The following CCDC190 variants were observed in gnomAD, a reference collection of about 807,000 sequenced individuals.
CCDC190 encodes the protein coiled-coil domain-containing protein 190.
CCDC190 carries 10 observed loss-of-function variants against 13.1 expected under a neutral mutation model. That is an observed-to-expected ratio of 0.77 (90% CI 0.47 to 1.30). The LOEUF (loss-of-function observed/expected upper bound fraction) is 1.30, where lower values mean the gene tolerates loss of function less well. Among genes scored for constraint, CCDC190 ranks in the 50% most tolerant of loss-of-function variants. The pLI is 0.00. For missense variants in CCDC190, 375 were observed against 354.3 expected (o/e 1.06, Z -0.47); for synonymous variants, 136 against 127.2 (o/e 1.07, Z -0.47).
upstream of CCDC190, among the ~76,000 whole-genome samples, chr1:162,862,072 AT>A (rs1318916409): frequency 6.6e-6 from 1 of 152,126 alleles, no homozygotes; most frequent in Non-Finnish European, 1.5e-5. Flanking sequence ...ATTTAAATGA[AT>A]GAGGTGGGAT....
rs1018176834 is a variant in CCDC190, at chr1:162,851,249, G to A, written c.*3516C>T. On this transcript the variant is annotated 3_prime_UTR_variant, in exon 4 of 4. Transcript: ENST00000367912. ...GGTGTGGTTGGAGGTGAGGGAATGA[G>A]TTGGTTCACGCAATGGTCCACACAC... The A allele has an allele frequency of 1.4e-4, 20 of 147,652 alleles. No individual in the cohort carries two copies. The highest frequency in any genetic ancestry group is 1.3e-3 in the Admixed American group (19 of 14,892). The allele number at this position is 147,652 out of a possible 1,614,324, so 9.1% of individuals were successfully genotyped here. A position where few individuals can be genotyped will look rare whatever the true frequency, so the allele number is the denominator to read the frequency against.
chr1:162,867,443 G>A (rs1650747654), intron 1 of CCDC190, among the ~76,000 whole-genome samples: 1 of 152,138 alleles, frequency 6.6e-6, no homozygotes, highest in South Asian at 2.1e-4. Flanking sequence ...AGCAAGTATT[G>A]GTGAGAATAT....
intron 2 of CCDC190, among the ~76,000 whole-genome samples, chr1:162,858,751 A>G (rs1650397672): frequency 6.6e-6 from 1 of 152,218 alleles, no homozygotes; most frequent in African/African-American, 2.4e-5. Context: ...TATTTTAATG[A>G]TGAACAAAGG....
chr1:162,861,699 A>G (rs1174675384), upstream of CCDC190, among the ~76,000 whole-genome samples: 1 of 152,230 alleles, frequency 6.6e-6, no homozygotes, highest in African/African-American at 2.4e-5. Context: ...AGTAAAATTA[A>G]AATCAACTTT....
At chr1:162,856,147 C>T (rs149231415) in intron 2 of CCDC190, among the ~76,000 whole-genome samples, 259 of 152,048 alleles carry the variant, frequency 1.7e-3, no homozygotes, top group African/African-American at 5.7e-3. Context: ...TTAAGGCACC[C>T]GGTTTATAGT....
chr1:162,863,116 A>C (rs1397980787), upstream of CCDC190, among the ~76,000 whole-genome samples: 2 of 152,214 alleles, frequency 1.3e-5, no homozygotes, highest in African/African-American at 4.8e-5. Flanking sequence ...GAAATAGTTC[A>C]AACTGTTCAG....
At chr1:162,858,196 C>T (rs1001463845) in intron 2 of CCDC190, among the ~76,000 whole-genome samples, 3 of 152,172 alleles carry the variant, frequency 2.0e-5, no homozygotes, top group African/African-American at 7.2e-5. Flanking sequence ...GACATGGAGG[C>T]AGAAGCACCT....
upstream of CCDC190, among the ~76,000 whole-genome samples, chr1:162,864,118 T>TA (rs1348841308): frequency 5.3e-5 from 8 of 151,936 alleles, no homozygotes; most frequent in Admixed American, 1.3e-4. Context: ...GAGATAATCT[T>TA]AAAAACAGCC....
intron 2 of CCDC190, among the ~76,000 whole-genome samples, chr1:162,858,747 A>T (rs1217586963): frequency 1.3e-5 from 2 of 152,238 alleles, no homozygotes; most frequent in Non-Finnish European, 2.9e-5. Context: ...TAATTATTTT[A>T]ATGATGAACA....
At chr1:162,863,842 A>C (rs1247929693), upstream of CCDC190, among the ~76,000 whole-genome samples, 7 of 152,050 alleles carry the variant, frequency 4.6e-5, no homozygotes, top group East Asian at 1.3e-3. Flanking sequence ...AACATGGTGA[A>C]ACCCCTTCTC....
At position 162,855,179 on chromosome 1, in the gene CCDC190, T is replaced by G. The variant is rs780605929; in HGVS notation, c.492A>C (p.Pro164=). 6 of 1,613,998 alleles carry G rather than the reference T, an allele frequency of 3.7e-6. No individual in the cohort carries two copies. The highest frequency in any genetic ancestry group is 5.1e-6 in the Non-Finnish European group (6 of 1,179,878). ...CCTTGCTGGGGTCTACGTCCTTAGATGGATTCACAGAATCTTTCTCTTGGG... is the reference window on the plus strand; with the variant it reads ...CCTTGCTGGGGTCTACGTCCTTAGAGGGATTCACAGAATCTTTCTCTTGGG... ...PQAQEKDSVN[P]SKDVDPSKGI... The change falls in exon 4 of 4, where the codon CCA becomes CCC. Residue 164 remains proline (P), a synonymous_variant. Transcript: ENST00000367912.
At position 162,852,981 on chromosome 1, in the gene CCDC190, A is replaced by G; in HGVS notation, c.*1784T>C. 1.3e-6 allele frequency: 1 copy of G among 766,946 alleles called. No homozygotes were observed. The highest frequency in any genetic ancestry group is 1.6e-5 in the South Asian group (1 of 60,618). 47.5% of individuals were successfully genotyped at this position (766,946 alleles called of 1,614,324 possible). Reference sequence around the variant, plus strand: ...TTCTCTAATTGTTGTATGCCTATTCATGTTGGCCCAGGCATGGCTGGTGCA... The same window carrying G: ...TTCTCTAATTGTTGTATGCCTATTCGTGTTGGCCCAGGCATGGCTGGTGCA... On this transcript the variant is annotated 3_prime_UTR_variant, in exon 4 of 4. Coordinates refer to ENST00000367912, the MANE Select transcript of CCDC190 (RefSeq NM_001394065.1).
At chr1:162,858,894 T>C (rs1379729959) in intron 2 of CCDC190, among the ~76,000 whole-genome samples, 1 of 152,248 alleles carries the variant, frequency 6.6e-6, no homozygotes, top group East Asian at 1.9e-4. Flanking sequence ...TTTGGTACTA[T>C]TCCAAGTGCT....
At position 162,851,308 on chromosome 1, in the gene CCDC190, T is replaced by C. The variant is rs1313972772; in HGVS notation, c.*3457A>G. ...CCTCTCCATTTTTTTTTTTTTTTTT[T>C]TTTTTTTGCAGTGGTTGCTTGCTAT... On this transcript the variant is annotated 3_prime_UTR_variant, in exon 4 of 4. Transcript: ENST00000367912. 3.4e-5 allele frequency: 5 copies of C among 149,222 alleles called. No homozygotes were observed. Among genetic ancestry groups the C allele is most frequent in the African/African-American group, 1.2e-4 (5 of 40,034 alleles). The allele number at this position is 149,222 out of a possible 1,614,324, so 9.2% of individuals were successfully genotyped here.
At chr1:162,861,442 T>A (rs1181770481), upstream of CCDC190, among the ~76,000 whole-genome samples, 1 of 152,090 alleles carries the variant, frequency 6.6e-6, no homozygotes. Context: ...TCTCCATTTT[T>A]TTTTTTTCTC....
intron 1 of CCDC190, among the ~76,000 whole-genome samples, chr1:162,860,005 T>A (rs1321640303): frequency 6.6e-6 from 1 of 152,126 alleles, no homozygotes; most frequent in Non-Finnish European, 1.5e-5. Context: ...AGGCATTATT[T>A]ACCCAATAAG....
chr1:162,854,173 A>G lies in CCDC190; in HGVS notation c.*592T>C. 1 of 945,484 alleles carries G rather than the reference A, an allele frequency of 1.1e-6. No homozygotes were observed. The highest frequency in any genetic ancestry group is 1.3e-6 in the Non-Finnish European group (1 of 793,662). 58.6% of individuals were successfully genotyped at this position (945,484 alleles called of 1,614,324 possible). A position where few individuals can be genotyped will look rare whatever the true frequency, so the allele number is the denominator to read the frequency against. ...TATGAGAGGGAAAAGATTGTCCATTATTCTTTCAATAGGATTCAAAAAATT... is the reference window on the plus strand; with the variant it reads ...TATGAGAGGGAAAAGATTGTCCATTGTTCTTTCAATAGGATTCAAAAAATT... On this transcript the variant is annotated 3_prime_UTR_variant, in exon 4 of 4. Transcript: ENST00000367912.
At position 162,854,934 on chromosome 1, in the gene CCDC190, A is replaced by G. The variant is rs765279608; in HGVS notation, c.737T>C (p.Leu246Ser). 2 of 1,613,862 alleles carry G rather than the reference A, an allele frequency of 1.2e-6. No individual in the cohort carries two copies. The highest frequency in any genetic ancestry group is 1.7e-6 in the Non-Finnish European group (2 of 1,179,886). ...FEGEFTKPTF[L>S]ELLSKARNAH... is the part of the protein sequence containing the mutation. ...ATTTCTGGCCTTTGAAAGCAACTCT[A>G]AGAAGGTTGGCTTTGTGAACTCGCC... is the stretch of plus-strand genomic sequence containing the variant. Residue 246 changes from leucine to serine, a missense_variant, in exon 4 of 4, where the codon TTA becomes TCA. Coordinates refer to ENST00000367912, the MANE Select transcript of CCDC190 (RefSeq NM_001394065.1).
At position 162,856,946 on chromosome 1, in the gene CCDC190, T is replaced by C. The variant is rs777341528; in HGVS notation, c.188-1191A>G. Among the ~76,000 whole-genome samples, 4 of 152,288 alleles carry C rather than the reference T, an allele frequency of 2.6e-5. No homozygotes were observed. In the East Asian group the frequency reaches 5.8e-4, roughly 22 times the overall value. On this transcript the variant is annotated intron_variant, in intron 2 of 3. Transcript: ENST00000367912. The stretch of plus-strand genomic sequence containing the variant: ...TCCCAGCAAGATCTGTTTTCTGAAA[T>C]TTAGACCTATGGGCCCAATAGGTTC...
Sources: gnomAD v4.1 joint callset for allele counts (sites outside exome capture counted in the v4.1 genomes callset) on GRCh38, gnomAD v4.1.1 for gene constraint, MANE v1.5 for transcripts, NCBI Gene and HGNC (gene_info 2026-07-23, HGNC 2026-07-21) for gene names.